The following UBE2E1 variants were observed in gnomAD, a reference collection of about 807,000 sequenced individuals.
UBE2E1 encodes ubiquitin-conjugating enzyme E2 E1.
A neutral mutation model predicts 21.4 loss-of-function variants in UBE2E1; 6 were observed. The ratio of observed to expected loss-of-function variants is 0.28; its 90% CI spans 0.15 to 0.55. UBE2E1 has a LOEUF of 0.55. Among genes scored for constraint, UBE2E1 ranks in the 20% least tolerant of loss-of-function variants. The pLI, the probability that UBE2E1 is intolerant of heterozygous loss-of-function variation, is 0.93. For missense variants in UBE2E1, 142 were observed against 236.5 expected, an observed-to-expected ratio of 0.60 and a Z score of 2.62; for synonymous variants, 87 against 82.7, an observed-to-expected ratio of 1.05 and a Z score of -0.28.
intron 3 of UBE2E1, among the ~76,000 whole-genome samples, chr3:23,867,558 G>A (rs1700685042): frequency 1.3e-5 from 2 of 152,184 alleles, no homozygotes; most frequent in Non-Finnish European, 2.9e-5. Flanking sequence ...CATTAAAGAA[G>A]GGAGAAAGAG....
intron 3 of UBE2E1, among the ~76,000 whole-genome samples, chr3:23,855,704 C>T (rs1331217393): frequency 6.6e-6 from 1 of 151,962 alleles, no homozygotes; most frequent in Non-Finnish European, 1.5e-5. Flanking sequence ...GTGGTGGGCG[C>T]CTGTAGTCCC....
intron 3 of UBE2E1, among the ~76,000 whole-genome samples, chr3:23,881,278 G>A (rs1701032714): frequency 6.6e-6 from 1 of 152,160 alleles, no homozygotes; most frequent in Admixed American, 6.5e-5. Context: ...ATCTGTATCA[G>A]AGTAATATTT....
At chr3:23,849,612 G>T (rs1376268441) in intron 3 of UBE2E1, among the ~76,000 whole-genome samples, 1 of 152,126 alleles carries the variant, frequency 6.6e-6, no homozygotes, top group African/African-American at 2.4e-5. Context: ...GCAGTGTTTG[G>T]TTTTCTGTTC....
intron 3 of UBE2E1, among the ~76,000 whole-genome samples, chr3:23,873,601 G>T (rs1244162137): frequency 6.6e-6 from 1 of 152,028 alleles, no homozygotes; most frequent in Non-Finnish European, 1.5e-5. Context: ...CAAAAATTAG[G>T]CAGGCATGGT....
intron 2 of UBE2E1, among the ~76,000 whole-genome samples, chr3:23,809,825 T>C (rs1022989399): frequency 1.3e-5 from 2 of 152,184 alleles, no homozygotes; most frequent in African/African-American, 4.8e-5. Context: ...GGAAACCAAT[T>C]TTCCAAACTT....
Position 23,842,250 on chromosome 3 carries a change from G to GGTGTTGT in UBE2E1, c.203+30740_203+30741insGTGTTGT, listed in dbSNP as rs79440666. Among the ~76,000 whole-genome samples, 38 of 86,366 alleles carry GGTGTTGT rather than the reference G, an allele frequency of 4.4e-4. No individual in the cohort carries two copies. The highest frequency in any genetic ancestry group is 1.7e-3 in the African/African-American group (36 of 21,704). The allele number at this position is 86,366 out of a possible 152,430, so 56.7% of individuals were successfully genotyped here. A position where few individuals can be genotyped will look rare whatever the true frequency, so the allele number is the denominator to read the frequency against. ...GTGTGTGTGTGTGTGTGTGTGTGTG[G>GGTGTTGT]TGTTGTTGTTGTTGGCGACAGGGTC... On this transcript the variant is annotated intron_variant, in intron 3 of 5. Coordinates refer to ENST00000306627, the MANE Select transcript of UBE2E1 (RefSeq NM_003341.5). This position sits in a 1 kb window ranked among gnomAD's most constrained non-coding sequence, Gnocchi z 4.6.
chr3:23,872,610 G>A (rs1201299929), intron 3 of UBE2E1, among the ~76,000 whole-genome samples: 1 of 152,032 alleles, frequency 6.6e-6, no homozygotes, highest in Non-Finnish European at 1.5e-5. Flanking sequence ...AACAGTTATG[G>A]ATTTTTACCA....
In UBE2E1 at chr3:23,816,190, GCTAT is replaced by G. The variant is rs1308453766; in HGVS notation, c.203+4685_203+4688del. 6.6e-6 allele frequency among the ~76,000 whole-genome samples: 1 copy of G among 152,128 alleles called. No homozygotes were observed. Among genetic ancestry groups the G allele is most frequent in the East Asian group, 1.9e-4 (1 of 5,196 alleles). On this transcript the variant is annotated intron_variant, in intron 3 of 5. Transcript: ENST00000306627. The surrounding 1 kb of genome is among the most constrained non-coding windows in gnomAD (Gnocchi z 4.8). The stretch of plus-strand genomic sequence containing the variant: ...TACCGTATGACCCAGTAATTTTACT[GCTAT>G]CTATGTACCCTGAATAATTAAAAAC...
intron 3 of UBE2E1, among the ~76,000 whole-genome samples, chr3:23,885,905 G>C (rs1056298721): frequency 8.0e-5 from 12 of 150,648 alleles, no homozygotes; most frequent in African/African-American, 2.4e-4. Flanking sequence ...AACTCTCTCT[G>C]TATCTAAAAC....
chr3:23,837,797 A>G (rs1274660602), intron 3 of UBE2E1, among the ~76,000 whole-genome samples: 1 of 152,200 alleles, frequency 6.6e-6, no homozygotes, highest in Non-Finnish European at 1.5e-5. Flanking sequence ...CTTTTGAGGA[A>G]CTTTTGGCAT....
chr3:23,884,378 TAC>T (rs1701127505), intron 3 of UBE2E1, among the ~76,000 whole-genome samples: 1 of 152,224 alleles, frequency 6.6e-6, no homozygotes, highest in South Asian at 2.1e-4. Flanking sequence ...AAATGCAAAC[TAC>T]CTGCTTAAAG....
intron 3 of UBE2E1, among the ~76,000 whole-genome samples, chr3:23,822,863 C>T (rs1699675150): frequency 7.0e-6 from 1 of 143,756 alleles, no homozygotes; most frequent in Non-Finnish European, 1.5e-5. Context: ...ACCGCCCTTC[C>T]AGAGACGGAG....
intron 4 of UBE2E1, among the ~76,000 whole-genome samples, chr3:23,888,083 A>T (rs1197177774): frequency 1.3e-5 from 2 of 152,184 alleles, no homozygotes; most frequent in African/African-American, 4.8e-5. Context: ...GTTTGAGCCC[A>T]AGAGTTTGAG....
In UBE2E1 at chr3:23,870,098, G is replaced by C. The variant is rs1374584029; in HGVS notation, c.204-17469G>C. 7.2e-5 allele frequency among the ~76,000 whole-genome samples: 11 copies of C among 152,142 alleles called. No individual in the cohort carries two copies. Among genetic ancestry groups the C allele is most frequent in the Admixed American group, 6.5e-4 (10 of 15,278 alleles). ...TCTGGTTTTCCACCTGGGCTGGGAA[G>C]GCCCACAGCTGAGGGCTGTAACACC... On this transcript the variant is annotated intron_variant, in intron 3 of 5. Coordinates refer to ENST00000306627, the MANE Select transcript of UBE2E1 (RefSeq NM_003341.5). The surrounding 1 kb of genome is among the most constrained non-coding windows in gnomAD (Gnocchi z 4.2).
At chr3:23,880,389 T>A (rs1701011303) in intron 3 of UBE2E1, among the ~76,000 whole-genome samples, 1 of 151,818 alleles carries the variant, frequency 6.6e-6, no homozygotes, top group African/African-American at 2.4e-5. Flanking sequence ...GTCTTAAAAA[T>A]AATAATAATG....
At chr3:23,886,743 C>G (rs1701194142) in intron 3 of UBE2E1, among the ~76,000 whole-genome samples, 2 of 152,190 alleles carry the variant, frequency 1.3e-5, no homozygotes, top group South Asian at 4.1e-4. Flanking sequence ...ATCAAAACCC[C>G]TGACATTTAA....
rs779696480 is a variant in UBE2E1 at position 23,816,676 on chromosome 3, C to T, written c.203+5166C>T. Among the ~76,000 whole-genome samples the T allele has an allele frequency of 6.6e-6, 1 of 152,032 alleles. No homozygotes were observed. Among genetic ancestry groups the T allele is most frequent in the Non-Finnish European group, 1.5e-5 (1 of 68,014 alleles). ...GAGCAGAGATCGCACCACTGCACTC[C>T]AGCCTGGGCAACAAAGCGAGGCTCC... On this transcript the variant is annotated intron_variant, in intron 3 of 5. Transcript: ENST00000306627. This position sits in a 1 kb window ranked among gnomAD's most constrained non-coding sequence, Gnocchi z 4.8.
chr3:23,849,240 A>G (rs1349031993), intron 3 of UBE2E1, among the ~76,000 whole-genome samples: 1 of 152,174 alleles, frequency 6.6e-6, no homozygotes, highest in Non-Finnish European at 1.5e-5. Flanking sequence ...GCCAGTTCCC[A>G]TCTTGCTATT....
chr3:23,811,182 A>G (rs967858177), intron 2 of UBE2E1, among the ~76,000 whole-genome samples: 4 of 152,210 alleles, frequency 2.6e-5, no homozygotes, highest in Admixed American at 2.0e-4. Flanking sequence ...TAGGTCCTAC[A>G]TGGAAAACAC....
Sources: gnomAD v4.1 joint callset for allele counts (sites outside exome capture counted in the v4.1 genomes callset) on GRCh38, gnomAD v4.1.1 for gene constraint, Gnocchi (gnomAD v3.1) non-coding constraint, MANE v1.5 for transcripts, NCBI Gene and HGNC (gene_info 2026-07-23, HGNC 2026-07-21) for gene names.